KHDRBS1: variants seen among roughly 807,000 people sequenced by gnomAD.
KHDRBS1 encodes the protein KH RNA binding domain containing, signal transduction associated 1.
In KHDRBS1, 7 loss-of-function variants were observed where a neutral mutation model predicts 48.4. The ratio of observed to expected loss-of-function variants is 0.14; its 90% CI spans 0.08 to 0.27. KHDRBS1 has a LOEUF of 0.27. KHDRBS1 is among the 10% of genes least tolerant of loss of function. The probability of loss-of-function intolerance (pLI) is 1.00; values close to 1 mark genes in which losing one functional copy is unlikely to be tolerated. For synonymous variants in KHDRBS1, 241 were observed against 235.8 expected (o/e 1.02, Z -0.20); for missense variants, 458 against 601.2 (o/e 0.76, Z 2.49).
At chr1:32,040,956 A>G (rs865960587) in intron 8 of KHDRBS1, among the ~76,000 whole-genome samples, 7 of 152,166 alleles carry the variant, frequency 4.6e-5, no homozygotes, top group African/African-American at 1.4e-4. Flanking sequence ...ACAGTTGCCA[A>G]TCACTAACAC....
At chr1:32,014,504 T>C in intron 1 of KHDRBS1, 127 bp downstream of exon 1, 1 of 987,638 alleles carries the variant, frequency 1.0e-6, no homozygotes, top group Non-Finnish European at 1.3e-6. Context: ...CTCATCCTCA[T>C]TTTTGGGAGC....
At chr1:32,038,436 G>A in intron 6 of KHDRBS1, 116 bp from the exon 7 acceptor site, 2 of 1,007,298 alleles carry the variant, frequency 2.0e-6, no homozygotes, top group Non-Finnish European at 3.0e-6. Context: ...CATTTTGGAG[G>A]GAAATGTCAT....
At chr1:32,037,226 C>T (rs184634985) in intron 5 of KHDRBS1, among the ~76,000 whole-genome samples, 183 bp downstream of exon 5, 2 of 152,152 alleles carry the variant, frequency 1.3e-5, no homozygotes, top group Non-Finnish European at 2.9e-5. Context: ...CTAAGGCAGG[C>T]GGATCAACTG....
At chr1:32,050,977 G>A (rs1374400063) in intron 10 of KHDRBS1, among the ~76,000 whole-genome samples, 1 of 151,958 alleles carries the variant, frequency 6.6e-6, no homozygotes, top group Non-Finnish European at 1.5e-5. Context: ...TGCAACCTCT[G>A]CCTCCCAGGT....
chr1:32,036,359 T>C (rs550551237), intron 4 of KHDRBS1, among the ~76,000 whole-genome samples: 159 of 151,986 alleles, frequency 1.0e-3, no homozygotes, highest in African/African-American at 3.7e-3. Context: ...TTAGTAGAGA[T>C]AGCGTTTCAC....
intron 4 of KHDRBS1, among the ~76,000 whole-genome samples, chr1:32,035,712 G>C (rs940259474): frequency 1.3e-5 from 2 of 152,134 alleles, no homozygotes; most frequent in African/African-American, 4.8e-5. Flanking sequence ...TTTCTTGTTC[G>C]TCCCAAACAT....
chr1:32,042,072 T>C (rs1639291922), intron 8 of KHDRBS1, among the ~76,000 whole-genome samples: 1 of 152,210 alleles, frequency 6.6e-6, no homozygotes, highest in Admixed American at 6.5e-5. Flanking sequence ...GAAGTGGGGC[T>C]GGCTGCCTGC....
At chr1:32,034,619 G>A (rs1163912281) in intron 4 of KHDRBS1, among the ~76,000 whole-genome samples, 1 of 151,954 alleles carries the variant, frequency 6.6e-6, no homozygotes, top group South Asian at 2.1e-4. Flanking sequence ...TGAACTCCAA[G>A]GATTCCAACA....
At chr1:32,036,831 C>G in intron 4 of KHDRBS1, 79 bp from the exon 5 acceptor site, 1 of 1,455,488 alleles carries the variant, frequency 6.9e-7, no homozygotes, top group Non-Finnish European at 9.3e-7. Flanking sequence ...TCTTAGAATT[C>G]AAGTCTCCCG....
intron 1 of KHDRBS1, among the ~76,000 whole-genome samples, chr1:32,017,210 A>G (rs974039863): frequency 7.2e-5 from 11 of 151,806 alleles, no homozygotes; most frequent in Non-Finnish European, 1.5e-4. Context: ...GTGAGCCCAG[A>G]TTGCACCATT....
Position 32,014,128 on chromosome 1 carries a change from C to CG in KHDRBS1, c.137dup (p.Gly47ArgfsTer84). 1 of 1,367,378 alleles carries CG rather than the reference C, an allele frequency of 7.3e-7. No homozygotes were observed. The highest frequency in any genetic ancestry group is 9.4e-7 in the Non-Finnish European group (1 of 1,061,602). 84.7% of individuals were successfully genotyped at this position (1,367,378 alleles called of 1,614,324 possible). A position where few individuals can be genotyped will look rare whatever the true frequency, so the allele number is the denominator to read the frequency against. ...GCAGCCGCCGCTGCCTCACCGGTCC[C>CG]GGGGAGGCGGAGGGGGATCCCGCGG... On this transcript the variant is annotated frameshift_variant, in exon 1 of 9. Transcript: ENST00000327300. LOFTEE classifies it high-confidence loss of function.
At chr1:32,021,955 A>G (rs1313596006) in intron 1 of KHDRBS1, among the ~76,000 whole-genome samples, 1 of 137,450 alleles carries the variant, frequency 7.3e-6, no homozygotes, top group Non-Finnish European at 1.6e-5. Context: ...CCAGCGGCAC[A>G]TTTCTTTTTT....
At chr1:32,056,165 TTGTC>T (rs1446918854) in intron 10 of KHDRBS1, among the ~76,000 whole-genome samples, 1 of 152,028 alleles carries the variant, frequency 6.6e-6, no homozygotes, top group Non-Finnish European at 1.5e-5. Context: ...ACTGTGGTGA[TTGTC>T]TTTGCATCTC....
intron 1 of KHDRBS1, among the ~76,000 whole-genome samples, chr1:32,025,931 T>A (rs151091602): frequency 0.018 from 2,569 of 144,024 alleles, 26 homozygotes; most frequent in Middle Eastern, 0.032. Flanking sequence ...ATATATATAT[T>A]TATTTATTTA....
chr1:32,039,746 A>G (rs890352546), intron 8 of KHDRBS1, among the ~76,000 whole-genome samples, 173 bp downstream of exon 8: 7 of 152,148 alleles, frequency 4.6e-5, no homozygotes, highest in Non-Finnish European at 5.9e-5. Context: ...TTTGCGGTAC[A>G]TGGTAGAAAG....
chr1:32,033,622 A>G (rs1639121684), intron 4 of KHDRBS1, among the ~76,000 whole-genome samples: 1 of 152,160 alleles, frequency 6.6e-6, no homozygotes, highest in Admixed American at 6.5e-5. Context: ...TTGGTTAACT[A>G]AGGTTTAACA....
chr1:32,032,822 TG>T (rs1639106029), intron 3 of KHDRBS1, among the ~76,000 whole-genome samples: 1 of 152,094 alleles, frequency 6.6e-6, no homozygotes, highest in Non-Finnish European at 1.5e-5. Flanking sequence ...CCTGAGTAGC[TG>T]GGATTACAGG....
intron 1 of KHDRBS1, among the ~76,000 whole-genome samples, chr1:32,024,486 AT>A (rs112180138): frequency 0.047 from 6,584 of 141,472 alleles, 378 homozygotes; most frequent in African/African-American, 0.14. Flanking sequence ...AATTTAATTT[AT>A]TTTTTTTTTT....
intron 5 of KHDRBS1, among the ~76,000 whole-genome samples, 163 bp downstream of exon 5, chr1:32,037,206 C>CT (rs1639200459): frequency 6.6e-6 from 1 of 152,158 alleles, no homozygotes; most frequent in Non-Finnish European, 1.5e-5. Flanking sequence ...AATCCCAGCA[C>CT]TTTAGGAGGC....
Sources: gnomAD v4.1 joint callset for allele counts (sites outside exome capture counted in the v4.1 genomes callset) on GRCh38, gnomAD v4.1.1 for gene constraint, MANE v1.5 for transcripts, NCBI Gene and HGNC (gene_info 2026-07-23, HGNC 2026-07-21) for gene names.